Variants in PMS1 observed in about 807,000 individuals in gnomAD.
The protein encoded by PMS1 is PMS1 protein homolog 1.
A neutral mutation model predicts 93.1 loss-of-function variants in PMS1; 79 were observed. That is an observed-to-expected ratio of 0.85 (90% confidence interval 0.71 to 1.02). The LOEUF is 1.02. Ranked by LOEUF, PMS1 falls within the 50% of genes least tolerant of loss-of-function variation. PMS1 has a pLI of 0.00. For missense variants in PMS1, 1,064 were observed against 1,085.3 expected, an observed-to-expected ratio of 0.98 and a Z score of 0.28; for synonymous variants, 335 against 363.4, an observed-to-expected ratio of 0.92 and a Z score of 0.89.
chr2:189,867,762 T>A, intron 10 of PMS1, 37 bp from the exon 11 acceptor site: 2 of 1,483,778 alleles, frequency 1.3e-6, no homozygotes, highest in Middle Eastern at 2.0e-4. Context: ...TTATTTTGTG[T>A]TTTTAATAAG....
chr2:189,807,976 A>G (rs1428779108), intron 4 of PMS1, among the ~76,000 whole-genome samples: 1 of 152,226 alleles, frequency 6.6e-6, no homozygotes, highest in Non-Finnish European at 1.5e-5. Flanking sequence ...CATATTATAT[A>G]TATCTACAAA....
intron 5 of PMS1, among the ~76,000 whole-genome samples, chr2:189,828,194 G>C (rs181351451): frequency 1.3e-5 from 2 of 152,248 alleles, no homozygotes; most frequent in East Asian, 3.9e-4. Flanking sequence ...AAAGTGCTGG[G>C]ATTACAGGCG....
chr2:189,858,480 T>C (rs1257331923), intron 9 of PMS1, among the ~76,000 whole-genome samples: 1 of 152,180 alleles, frequency 6.6e-6, no homozygotes, highest in Non-Finnish European at 1.5e-5. Context: ...TTCTTGACAT[T>C]AAGTACAACA....
At chr2:189,834,457 A>G (rs2053218903) in intron 5 of PMS1, among the ~76,000 whole-genome samples, 1 of 152,234 alleles carries the variant, frequency 6.6e-6, no homozygotes. Context: ...ACAAAATAAG[A>G]TAATTCTCAT....
chr2:189,805,616 A>G (rs755952085), intron 3 of PMS1, 36 bp from the exon 4 acceptor site: 182 of 1,491,242 alleles, frequency 1.2e-4, no homozygotes, highest in South Asian at 3.2e-4. Context: ...CGCAATATCT[A>G]AAGTGTTAGT....
At chr2:189,851,872 A>G (rs183058138) in intron 6 of PMS1, among the ~76,000 whole-genome samples, 5 of 152,306 alleles carry the variant, frequency 3.3e-5, no homozygotes, top group Admixed American at 2.0e-4. Flanking sequence ...GCTCTGTCTT[A>G]TATTCTTAAC....
chr2:189,801,804 G>A (rs1020003583), intron 3 of PMS1, among the ~76,000 whole-genome samples: 5 of 151,952 alleles, frequency 3.3e-5, no homozygotes, highest in African/African-American at 1.2e-4. Context: ...CTTGAATATT[G>A]TGTACATACA....
At position 189,854,875 on chromosome 2, in the gene PMS1, A is replaced by G; in HGVS notation, c.1603A>G (p.Ile535Val). Residue 535 changes from isoleucine (I) to valine (V), a missense_variant, in exon 9 of 13, where the codon ATC becomes GTC. Physicochemically the swap from Ile to Val is conservative, Grantham distance 29. Transcript: ENST00000441310. ...TAAAGTAAGTAATAATAATTATCCAATCCCTGAACAAATGAATCTTAATGA... is the reference window on the plus strand; with the variant it reads ...TAAAGTAAGTAATAATAATTATCCAGTCCCTGAACAAATGAATCTTAATGA... ...PCKVSNNNYP[I>V]PEQMNLNEDS... 1 of 1,608,378 alleles carries G rather than the reference A, an allele frequency of 6.2e-7. No homozygotes were observed. The highest frequency in any genetic ancestry group is 8.5e-7 in the Non-Finnish European group (1 of 1,175,408).
At chr2:189,825,072 G>A (rs905425734) in intron 5 of PMS1, among the ~76,000 whole-genome samples, 5 of 151,950 alleles carry the variant, frequency 3.3e-5, no homozygotes, top group African/African-American at 4.8e-5. Flanking sequence ...CGCATAATAC[G>A]AGAAGTACTA....
At chr2:189,829,939 T>C (rs1438077660) in intron 5 of PMS1, among the ~76,000 whole-genome samples, 1 of 152,224 alleles carries the variant, frequency 6.6e-6, no homozygotes, top group Non-Finnish European at 1.5e-5. Context: ...TTACTTCTTA[T>C]CCTCTTCAGT....
intron 9 of PMS1, chr2:189,855,800 AATATG>A: frequency 3.4e-6 from 2 of 584,316 alleles, no homozygotes; most frequent in Non-Finnish European, 5.0e-6. Context: ...GTTCCAAAAT[AATATG>A]ATGAATGTTT....
At chr2:189,810,906 A>G (rs772121425) in intron 4 of PMS1, among the ~76,000 whole-genome samples, 8 of 152,032 alleles carry the variant, frequency 5.3e-5, no homozygotes, top group Non-Finnish European at 1.0e-4. Flanking sequence ...GAGGAGAGGA[A>G]AATGGGATCC....
intron 10 of PMS1, among the ~76,000 whole-genome samples, chr2:189,865,004 G>A (rs2056517443): frequency 6.6e-6 from 1 of 151,448 alleles, no homozygotes; most frequent in African/African-American, 2.4e-5. Context: ...TTTCTATACA[G>A]TATATACACG....
Position 189,863,735 on chromosome 2 carries a change from ATTCTT to A in PMS1, c.1857-7_1857-3del, listed in dbSNP as rs761215172. On this transcript the variant is annotated splice_polypyrimidine_tract_variant and splice_region_variant and intron_variant, in intron 9 of 12. Coordinates refer to ENST00000441310, the MANE Select transcript of PMS1 (RefSeq NM_000534.5). Reference sequence around the variant, plus strand: ...ATCTCATTAGTTCTATTTTATTTCTATTCTTAGATATGAAGAGAAGGCTACTAAAG... The same window carrying A: ...ATCTCATTAGTTCTATTTTATTTCTAAGATATGAAGAGAAGGCTACTAAAG... 4 of 1,561,222 alleles carry A rather than the reference ATTCTT, an allele frequency of 2.6e-6. No individual in the cohort carries two copies. The highest frequency in any genetic ancestry group is 1.7e-5 in the Admixed American group (1 of 59,726).
chr2:189,841,404 T>TA (rs1227171874), intron 5 of PMS1, among the ~76,000 whole-genome samples: 3 of 152,186 alleles, frequency 2.0e-5, no homozygotes, highest in Non-Finnish European at 4.4e-5. Flanking sequence ...GAGTAGTTGT[T>TA]ACACTATCTC....
In PMS1 at chr2:189,863,992, T is replaced by A. The variant is rs374605857; in HGVS notation, c.2106T>A (p.Ser702=). The A allele has an allele frequency of 9.3e-5, 150 of 1,608,110 alleles. No homozygotes were observed. Among genetic ancestry groups the A allele is most frequent in the Non-Finnish European group, 1.2e-4 (136 of 1,175,776 alleles). Residue 702 remains serine, a synonymous_variant, in exon 10 of 13, where the codon TCT becomes TCA. Coordinates refer to ENST00000441310, the MANE Select transcript of PMS1 (RefSeq NM_000534.5). ...TTAAAATGGTACAGATCCCCTTTTCTATGAAAAACTTAAAAATAAATTTTA... is the reference window on the plus strand; with the variant it reads ...TTAAAATGGTACAGATCCCCTTTTCAATGAAAAACTTAAAAATAAATTTTA... The part of the protein sequence containing the change: ...QNIKMVQIPF[S]MKNLKINFKK...
Position 189,784,474 on chromosome 2 carries a change from C to T in PMS1, c.-140C>T, listed in dbSNP as rs1015242032. 1 of 152,526 alleles carries T rather than the reference C, an allele frequency of 6.6e-6. No individual in the cohort carries two copies. The highest frequency in any genetic ancestry group is 1.5e-5 in the Non-Finnish European group (1 of 68,270). 9.4% of individuals were successfully genotyped at this position (152,526 alleles called of 1,614,324 possible). On this transcript the variant is annotated 5_prime_UTR_variant, in exon 1 of 13. Coordinates refer to ENST00000441310, the MANE Select transcript of PMS1 (RefSeq NM_000534.5). ...CAGTGCCGCGCTCTCTGCACCCGCT[C>T]TGCCGCGCGCGTGCGTGCTGGGTGC...
chr2:189,830,667 G>C (rs1339625485), intron 5 of PMS1, among the ~76,000 whole-genome samples: 2 of 152,140 alleles, frequency 1.3e-5, no homozygotes, highest in African/African-American at 4.8e-5. Context: ...AGTGCCTCAA[G>C]TGGGTGCTCA....
chr2:189,858,925 G>T (rs1036240463), intron 9 of PMS1, among the ~76,000 whole-genome samples: 1 of 151,996 alleles, frequency 6.6e-6, no homozygotes, highest in Non-Finnish European at 1.5e-5. Context: ...GCCATGCTGT[G>T]ATCTCCTGTC....
Sources: allele counts gnomAD v4.1 joint callset (sites outside exome capture counted in the v4.1 genomes callset), GRCh38; gene constraint gnomAD v4.1.1; transcripts MANE v1.5; gene names NCBI Gene and HGNC (gene_info 2026-07-23, HGNC 2026-07-21).